TRPC4: variants seen among roughly 807,000 people sequenced by gnomAD.
TRPC4 encodes the protein short transient receptor potential channel 4.
TRPC4 carries 49 observed loss-of-function variants against 99.4 expected under a neutral mutation model. The ratio of observed to expected loss-of-function variants is 0.49; its 90% CI spans 0.39 to 0.63. The LOEUF is 0.63. TRPC4 is among the 20% of genes least tolerant of loss of function. TRPC4 has a pLI of 0.00. For missense variants in TRPC4, 898 were observed against 1,152.9 expected (o/e 0.78, Z 3.20); for synonymous variants, 454 against 425.9 (o/e 1.07, Z -0.81).
At chr13:37,658,659 C>G (rs1204309531) in intron 6 of TRPC4, among the ~76,000 whole-genome samples, 1 of 152,194 alleles carries the variant, frequency 6.6e-6, no homozygotes, top group Non-Finnish European at 1.5e-5. Flanking sequence ...GCCTGTGCCC[C>G]TCTCTTCATA....
intron 4 of TRPC4, 64 bp from the exon 5 acceptor site, chr13:37,674,431 CA>C: frequency 6.6e-7 from 1 of 1,520,234 alleles, no homozygotes. Context: ...AAGCAATATA[CA>C]ATTTAACAAT....
intron 1 of TRPC4, among the ~76,000 whole-genome samples, chr13:37,842,738 C>T (rs1476557642): frequency 1.3e-5 from 2 of 152,176 alleles, no homozygotes; most frequent in East Asian, 3.9e-4. Context: ...CCAAAGGCCT[C>T]ACCTCCTAAT....
intron 2 of TRPC4, among the ~76,000 whole-genome samples, chr13:37,755,266 T>TA (rs574162015): frequency 0.011 from 1,549 of 142,122 alleles, 24 homozygotes; most frequent in African/African-American, 0.029. Context: ...CCTGGCTCTT[T>TA]AAAAAAAAAA....
intron 3 of TRPC4, among the ~76,000 whole-genome samples, chr13:37,717,804 G>A (rs773138496): frequency 5.9e-5 from 9 of 151,898 alleles, no homozygotes; most frequent in Non-Finnish European, 1.2e-4. Flanking sequence ...GAAGCCCTAG[G>A]GAACTAACAT....
At chr13:37,799,002 G>A (rs1041671085) in intron 1 of TRPC4, among the ~76,000 whole-genome samples, 5 of 149,532 alleles carry the variant, frequency 3.3e-5, no homozygotes, top group African/African-American at 1.2e-4. Context: ...CGTGATCTCC[G>A]CTCACTGCAA....
intron 1 of TRPC4, among the ~76,000 whole-genome samples, chr13:37,821,910 T>A (rs966648097): frequency 6.6e-6 from 1 of 152,096 alleles, no homozygotes; most frequent in Non-Finnish European, 1.5e-5. Flanking sequence ...TGGCAAAGAT[T>A]TCGTGATGAA....
At chr13:37,652,800 C>A (rs371861600) in intron 7 of TRPC4, among the ~76,000 whole-genome samples, 1 of 4,276 alleles carries the variant, frequency 2.3e-4, no homozygotes, top group East Asian at 5.2e-3. Flanking sequence ...CCTTCTGATT[C>A]TCTGACTCTC....
At chr13:37,697,573 G>T (rs1953950384) in intron 3 of TRPC4, among the ~76,000 whole-genome samples, 1 of 152,180 alleles carries the variant, frequency 6.6e-6, no homozygotes. Context: ...TAGTAGAGAT[G>T]AAATGTAAAG....
chr13:37,672,892 C>T (rs555316068), intron 5 of TRPC4, among the ~76,000 whole-genome samples: 11 of 152,260 alleles, frequency 7.2e-5, no homozygotes, highest in East Asian at 1.9e-4. Context: ...CCTAGTATTT[C>T]GGTGAGCACT....
chr13:37,636,841 C>T lies in TRPC4; in HGVS notation c.*62G>A. On this transcript the variant is annotated 3_prime_UTR_variant, in exon 11 of 11. Coordinates refer to ENST00000379705, the MANE Select transcript of TRPC4 (RefSeq NM_016179.4). Reference sequence around the variant, plus strand: ...TTTGCTAATACAATTTAAACATTTTCCCCCACCCAGAGCACTACGGAAAAT... The same window carrying T: ...TTTGCTAATACAATTTAAACATTTTTCCCCACCCAGAGCACTACGGAAAAT... The T allele has an allele frequency of 6.6e-7, 1 of 1,526,098 alleles. No homozygotes were observed. Among genetic ancestry groups the T allele is most frequent in the Non-Finnish European group, 8.8e-7 (1 of 1,139,524 alleles). 94.5% of individuals were successfully genotyped at this position (1,526,098 alleles called of 1,614,324 possible).
In TRPC4 at chr13:37,635,913, A is replaced by G. The variant is rs1951502432; in HGVS notation, c.*990T>C. Reference sequence around the variant, plus strand: ...ATATATAAAGATTACTGGTGAAAAGAGGAGACTGCTAGTTTTTTTGTACTT... The same window carrying G: ...ATATATAAAGATTACTGGTGAAAAGGGGAGACTGCTAGTTTTTTTGTACTT... On this transcript the variant is annotated 3_prime_UTR_variant, in exon 11 of 11. Transcript: ENST00000379705. 6.6e-6 allele frequency among the ~76,000 whole-genome samples: 1 copy of G among 152,116 alleles called. No individual in the cohort carries two copies. The highest frequency in any genetic ancestry group is 1.5e-5 in the Non-Finnish European group (1 of 67,986).
intron 4 of TRPC4, among the ~76,000 whole-genome samples, chr13:37,690,220 A>G (rs1953636569): frequency 6.6e-6 from 1 of 152,198 alleles, no homozygotes; most frequent in Non-Finnish European, 1.5e-5. Flanking sequence ...AGGGGGGGTT[A>G]TTTTACCTTT....
intron 4 of TRPC4, among the ~76,000 whole-genome samples, chr13:37,689,116 T>A (rs1383389096): frequency 1.3e-5 from 2 of 152,184 alleles, no homozygotes; most frequent in Non-Finnish European, 2.9e-5. Flanking sequence ...CCCGAAAGGA[T>A]CAGTTTTCTC....
chr13:37,710,442 T>G (rs1371024277), intron 3 of TRPC4, among the ~76,000 whole-genome samples: 1 of 151,928 alleles, frequency 6.6e-6, no homozygotes, highest in African/African-American at 2.4e-5. Context: ...TTTAAATTTT[T>G]CAGATTTTAA....
chr13:37,793,574 A>G (rs1957173704), intron 1 of TRPC4, among the ~76,000 whole-genome samples: 1 of 152,216 alleles, frequency 6.6e-6, no homozygotes, highest in East Asian at 1.9e-4. Flanking sequence ...CTAAGATTCC[A>G]AGAGTATAAT....
chr13:37,650,144 T>C (rs990070181), intron 8 of TRPC4, among the ~76,000 whole-genome samples: 1 of 152,212 alleles, frequency 6.6e-6, no homozygotes, highest in Non-Finnish European at 1.5e-5. Flanking sequence ...TGGTGGGCAA[T>C]GAAGTTAGAG....
At chr13:37,676,490 A>T (rs1953055982) in intron 4 of TRPC4, among the ~76,000 whole-genome samples, 1 of 151,892 alleles carries the variant, frequency 6.6e-6, no homozygotes, top group South Asian at 2.1e-4. Flanking sequence ...TCCCTGCCTC[A>T]GCCTCCCTAG....
At chr13:37,800,965 A>G (rs561651267) in intron 1 of TRPC4, among the ~76,000 whole-genome samples, 2 of 152,218 alleles carry the variant, frequency 1.3e-5, no homozygotes, top group South Asian at 4.1e-4. Context: ...GATATTTCAA[A>G]TTTATGAAGA....
chr13:37,677,659 T>C (rs998550097), intron 4 of TRPC4, among the ~76,000 whole-genome samples: 1 of 152,120 alleles, frequency 6.6e-6, no homozygotes, highest in Non-Finnish European at 1.5e-5. Flanking sequence ...TAATACAAGA[T>C]GTCATAACTA....
Sources: gnomAD v4.1 joint callset for allele counts (sites outside exome capture counted in the v4.1 genomes callset) on GRCh38, gnomAD v4.1.1 for gene constraint, MANE v1.5 for transcripts, NCBI Gene and HGNC (gene_info 2026-07-23, HGNC 2026-07-21) for gene names.